CSMD3: variants seen among roughly 807,000 people sequenced by gnomAD.
CSMD3 encodes CUB and sushi domain-containing protein 3.
A neutral mutation model predicts 435.2 loss-of-function variants in CSMD3; 177 were observed. The observed-to-expected ratio is 0.41, with a 90% CI of 0.36 to 0.46. The LOEUF is 0.46. CSMD3 is among the 20% of genes least tolerant of loss of function. The pLI is 0.34. For synonymous variants in CSMD3, 1,656 were observed against 1,520.5 expected, an observed-to-expected ratio of 1.09 and a Z score of -2.07; for missense variants, 4,265 against 4,504.6, an observed-to-expected ratio of 0.95 and a Z score of 1.52.
At chr8:112,741,554 AG>A (rs1053288735) in intron 13 of CSMD3, among the ~76,000 whole-genome samples, 26 of 151,898 alleles carry the variant, frequency 1.7e-4, no homozygotes, top group Admixed American at 3.9e-4. Flanking sequence ...AACCGCCCAA[AG>A]GGCCCACCTC....
At chr8:112,225,785 A>G (rs1037257296) in intron 70 of CSMD3, among the ~76,000 whole-genome samples, 2 of 152,206 alleles carry the variant, frequency 1.3e-5, no homozygotes, top group African/African-American at 4.8e-5. Context: ...CTAAAGGACT[A>G]CTAACAATTA....
chr8:113,060,547 T>C (rs2088567988), intron 5 of CSMD3, among the ~76,000 whole-genome samples: 1 of 152,154 alleles, frequency 6.6e-6, no homozygotes, highest in Admixed American at 6.6e-5. Flanking sequence ...CAAAACACAA[T>C]TAACTATAGA....
intron 30 of CSMD3, among the ~76,000 whole-genome samples, chr8:112,497,977 G>A (rs1258337013): frequency 1.3e-5 from 2 of 152,060 alleles, no homozygotes; most frequent in Non-Finnish European, 2.9e-5. Context: ...ATAAGACCTG[G>A]TGGAATTGTG....
Position 112,223,633 on chromosome 8 carries a change from T to C in CSMD3, c.*1138A>G, listed in dbSNP as rs1391211218. On this transcript the variant is annotated 3_prime_UTR_variant, in exon 71 of 71. Coordinates refer to ENST00000297405, the MANE Select transcript of CSMD3 (RefSeq NM_198123.2). ...AATTTAAAAATATATAAAAATATGA[T>C]AAGTCCACAATTGTAGGCAATAAAT... 6.6e-6 allele frequency: 1 copy of C among 152,174 alleles called. No homozygotes were observed. Among genetic ancestry groups the C allele is most frequent in the Middle Eastern group, 3.2e-3 (1 of 316 alleles). The allele number at this position is 152,174 out of a possible 1,614,324, so 9.4% of individuals were successfully genotyped here.
chr8:113,019,872 A>G (rs2086620567), intron 5 of CSMD3, among the ~76,000 whole-genome samples: 1 of 152,178 alleles, frequency 6.6e-6, no homozygotes. Context: ...TCATTAGAAT[A>G]TATAATTCTG....
At chr8:112,375,734 A>T (rs1363437291) in intron 38 of CSMD3, among the ~76,000 whole-genome samples, 1 of 152,158 alleles carries the variant, frequency 6.6e-6, no homozygotes, top group Non-Finnish European at 1.5e-5. Flanking sequence ...AGTTGTACAC[A>T]AGAATCTTTT....
At chr8:112,286,745 T>C (rs62514391) in intron 58 of CSMD3, among the ~76,000 whole-genome samples, 28,817 of 152,048 alleles carry the variant, frequency 0.19, 3,162 homozygotes, top group Middle Eastern at 0.34. Context: ...GAATGTATTC[T>C]CCATGGATAA....
chr8:112,395,675 A>G (rs1830796332), intron 35 of CSMD3, among the ~76,000 whole-genome samples: 1 of 152,136 alleles, frequency 6.6e-6, no homozygotes, highest in African/African-American at 2.4e-5. Flanking sequence ...TCCCACTAAC[A>G]GAAGTACTTA....
intron 27 of CSMD3, among the ~76,000 whole-genome samples, chr8:112,527,876 C>T (rs1485723964): frequency 1.3e-5 from 2 of 152,078 alleles, no homozygotes; most frequent in Non-Finnish European, 2.9e-5. Context: ...ATGTGACTCA[C>T]ATAAAAATAG....
At chr8:113,161,878 C>G (rs183488414) in intron 4 of CSMD3, among the ~76,000 whole-genome samples, 7 of 152,202 alleles carry the variant, frequency 4.6e-5, no homozygotes, top group Admixed American at 3.3e-4. Context: ...TTTAGTTACC[C>G]CAAATAAGGT....
chr8:112,489,628 C>T (rs1820484969), intron 31 of CSMD3, among the ~76,000 whole-genome samples: 2 of 152,126 alleles, frequency 1.3e-5, no homozygotes, highest in South Asian at 4.1e-4. Context: ...TTGCAAATTA[C>T]ACAATATCTT....
chr8:112,683,760 T>C (rs1472505318), intron 15 of CSMD3, among the ~76,000 whole-genome samples: 1 of 151,934 alleles, frequency 6.6e-6, no homozygotes, highest in African/African-American at 2.4e-5. Context: ...CATGCAGTGA[T>C]TTTAAATTTT....
intron 9 of CSMD3, among the ~76,000 whole-genome samples, chr8:112,942,176 A>G (rs1045362767): frequency 6.6e-6 from 1 of 150,860 alleles, no homozygotes; most frequent in African/African-American, 2.4e-5. Context: ...CTTTTCCAGA[A>G]TGTCTTATAG....
chr8:112,657,795 G>A (rs1182857194), intron 17 of CSMD3, among the ~76,000 whole-genome samples: 2 of 152,156 alleles, frequency 1.3e-5, no homozygotes, highest in Non-Finnish European at 2.9e-5. Context: ...TATGCGAACA[G>A]CAAGACCTCT....
At chr8:112,972,742 T>C (rs1262211847) in intron 7 of CSMD3, among the ~76,000 whole-genome samples, 2 of 151,942 alleles carry the variant, frequency 1.3e-5, no homozygotes, top group East Asian at 3.8e-4. Context: ...CAACTATTTT[T>C]TAAAAAATAT....
At chr8:113,183,285 T>C (rs1350563425) in intron 3 of CSMD3, among the ~76,000 whole-genome samples, 2 of 152,098 alleles carry the variant, frequency 1.3e-5, no homozygotes, top group African/African-American at 2.4e-5. Context: ...GAAAATTGAC[T>C]TGGGGATTGA....
intron 3 of CSMD3, among the ~76,000 whole-genome samples, chr8:113,245,760 T>G (rs539777591): frequency 2.0e-5 from 3 of 152,252 alleles, no homozygotes; most frequent in Non-Finnish European, 4.4e-5. Flanking sequence ...TACTGTCTAA[T>G]GTCATTTCCT....
intron 1 of CSMD3, among the ~76,000 whole-genome samples, chr8:113,424,140 C>T (rs2094622730): frequency 6.6e-6 from 1 of 151,558 alleles, no homozygotes; most frequent in Non-Finnish European, 1.5e-5. Flanking sequence ...TAACATGAAT[C>T]ATCAAAATAA....
intron 38 of CSMD3, among the ~76,000 whole-genome samples, chr8:112,363,780 G>A (rs1356087824): frequency 2.0e-5 from 3 of 151,962 alleles, no homozygotes; most frequent in African/African-American, 4.8e-5. Context: ...GTTAAGAAGT[G>A]CAATGTGTTT....
Sources: allele counts gnomAD v4.1 joint callset (sites outside exome capture counted in the v4.1 genomes callset), GRCh38; gene constraint gnomAD v4.1.1; transcripts MANE v1.5; gene names NCBI Gene and HGNC (gene_info 2026-07-23, HGNC 2026-07-21).